The following MAN1A1 variants were observed in gnomAD, a reference collection of about 807,000 sequenced individuals.
MAN1A1 encodes mannosidase alpha class 1A member 1.
In MAN1A1, 29 loss-of-function variants were observed where a neutral mutation model predicts 70.8. The observed-to-expected ratio is 0.41, with a 90% CI of 0.31 to 0.56. The LOEUF (loss-of-function observed/expected upper bound fraction) is 0.56. MAN1A1 is among the 20% of genes least tolerant of loss of function. The pLI, the probability that MAN1A1 is intolerant of heterozygous loss-of-function variation, is 0.29. For missense variants in MAN1A1, 747 were observed against 841.3 expected (o/e 0.89, Z 1.39); for synonymous variants, 349 against 330.1 (o/e 1.06, Z -0.62).
At chr6:119,230,317 C>T (rs1047168152) in intron 6 of MAN1A1, among the ~76,000 whole-genome samples, 5 of 152,170 alleles carry the variant, frequency 3.3e-5, no homozygotes, top group African/African-American at 1.2e-4. Flanking sequence ...AACACAAACA[C>T]GACCATGTCC....
intron 3 of MAN1A1, among the ~76,000 whole-genome samples, chr6:119,302,497 T>C (rs914592801): frequency 5.3e-5 from 8 of 152,094 alleles, no homozygotes; most frequent in African/African-American, 1.9e-4. Context: ...TTCTCCTACC[T>C]TAGCCTCCTG....
In MAN1A1 at chr6:119,179,823, T is replaced by G; in HGVS notation, c.1958A>C (p.Glu653Ala). ...AATAAAATATAAAATGTCTTTTTAT[T>G]CCTCTCTGATTTCAACTTCCTTTTT... ...KDKKEVEIRE[E>A] is the part of the protein sequence containing the mutation. Residue 653 changes from glutamate (E) to alanine (A), a missense_variant, in exon 13 of 13, where the codon GAA becomes GCA. Glu to Ala is a moderately radical substitution (Grantham distance 107). Transcript: ENST00000368468. 1 of 1,611,802 alleles carries G rather than the reference T, an allele frequency of 6.2e-7. No homozygotes were observed.
Position 119,348,907 on chromosome 6 carries a change from C to G in MAN1A1, c.159G>C (p.Thr53=). The part of the protein sequence containing the change: ...VLLLVFSAFI[T]LCFGAIFFLP... Reference sequence around the variant, plus strand: ...GGAAGAAGATCGCCCCGAAGCAGAGCGTGATGAAGGCGCTGAATACCAGCA... The same window carrying G: ...GGAAGAAGATCGCCCCGAAGCAGAGGGTGATGAAGGCGCTGAATACCAGCA... The change falls in exon 2 of 13, where the codon ACG becomes ACC. Residue 53 remains threonine, a synonymous_variant. Transcript: ENST00000368468. 1 of 1,535,442 alleles carries G rather than the reference C, an allele frequency of 6.5e-7. No homozygotes were observed. Among genetic ancestry groups the G allele is most frequent in the Non-Finnish European group, 8.8e-7 (1 of 1,141,854 alleles).
rs1011874548 is a variant in MAN1A1, at chr6:119,178,999, C to T, written c.*820G>A. ...CCAAAAGCTAATCCATTAAGTTGTA[C>T]TATTTTCTTCAGATAAATGTAATTC... On this transcript the variant is annotated 3_prime_UTR_variant, in exon 13 of 13. Coordinates refer to ENST00000368468, the MANE Select transcript of MAN1A1 (RefSeq NM_005907.4). The T allele has an allele frequency of 6.6e-6, 1 of 152,118 alleles. No homozygotes were observed. Among genetic ancestry groups the T allele is most frequent in the Non-Finnish European group, 1.5e-5 (1 of 67,990 alleles). The allele number at this position is 152,118 out of a possible 1,614,324, so 9.4% of individuals were successfully genotyped here.
At chr6:119,321,334 A>G (rs1273016307) in intron 2 of MAN1A1, among the ~76,000 whole-genome samples, 1 of 152,184 alleles carries the variant, frequency 6.6e-6, no homozygotes, top group Non-Finnish European at 1.5e-5. Context: ...TCTACCATTG[A>G]CAGAAAATAC....
intron 2 of MAN1A1, among the ~76,000 whole-genome samples, chr6:119,335,895 G>A (rs780947381): frequency 1.3e-5 from 2 of 152,126 alleles, no homozygotes; most frequent in African/African-American, 4.8e-5. Context: ...AGAAGACTAC[G>A]GATGCCAAGC....
intron 4 of MAN1A1, among the ~76,000 whole-genome samples, chr6:119,291,270 C>A (rs948595738): frequency 6.6e-6 from 1 of 152,026 alleles, no homozygotes; most frequent in African/African-American, 2.4e-5. Flanking sequence ...TTATGACTTG[C>A]TCCTAGCCTT....
chr6:119,205,303 C>T (rs1043624280), intron 6 of MAN1A1, among the ~76,000 whole-genome samples: 2 of 152,168 alleles, frequency 1.3e-5, no homozygotes, highest in Non-Finnish European at 2.9e-5. Flanking sequence ...ACATTATATA[C>T]AAAATTTTAT....
Position 119,178,812 on chromosome 6 carries a change from A to C in MAN1A1, c.*1007T>G, listed in dbSNP as rs1039130397. On this transcript the variant is annotated 3_prime_UTR_variant, in exon 13 of 13. Coordinates refer to ENST00000368468, the MANE Select transcript of MAN1A1 (RefSeq NM_005907.4). ...AAACTGAAAGGAAATAATTTACTAC[A>C]TCTGAGATAGAGCCTTTTTCAAATC... 1.3e-5 allele frequency: 2 copies of C among 152,184 alleles called. No homozygotes were observed. The highest frequency in any genetic ancestry group is 3.8e-4 in the East Asian group (2 of 5,198). 9.4% of individuals were successfully genotyped at this position (152,184 alleles called of 1,614,324 possible).
chr6:119,294,987 T>C (rs1209536022), intron 4 of MAN1A1, among the ~76,000 whole-genome samples: 5 of 152,120 alleles, frequency 3.3e-5, no homozygotes, highest in East Asian at 1.9e-4. Context: ...TATACATGTA[T>C]GTAAATTTAC....
intron 2 of MAN1A1, among the ~76,000 whole-genome samples, chr6:119,338,293 C>A (rs988242463): frequency 6.6e-6 from 1 of 151,782 alleles, no homozygotes; most frequent in African/African-American, 2.4e-5. Context: ...TCTTCACTAT[C>A]TTAAAAAACA....
At chr6:119,339,118 T>C (rs1429805991) in intron 2 of MAN1A1, among the ~76,000 whole-genome samples, 1 of 152,122 alleles carries the variant, frequency 6.6e-6, no homozygotes, top group Non-Finnish European at 1.5e-5. Context: ...AAACTGAAAA[T>C]GCCATATACT....
intron 4 of MAN1A1, among the ~76,000 whole-genome samples, chr6:119,301,249 C>T (rs6911753): frequency 0.38 from 57,462 of 152,016 alleles, 11,338 homozygotes; most frequent in Non-Finnish European, 0.41. Context: ...ATGCTTTCTT[C>T]TCTTAGTATA....
intron 4 of MAN1A1, among the ~76,000 whole-genome samples, chr6:119,299,613 A>G (rs1447964003): frequency 6.6e-6 from 1 of 152,194 alleles, no homozygotes; most frequent in Non-Finnish European, 1.5e-5. Flanking sequence ...TAAATAAAGA[A>G]AACTTCAAAG....
chr6:119,208,799 C>G (rs1773959382), intron 6 of MAN1A1, among the ~76,000 whole-genome samples: 1 of 152,060 alleles, frequency 6.6e-6, no homozygotes, highest in Non-Finnish European at 1.5e-5. Flanking sequence ...ATTAAGGTAA[C>G]TCAAGGTACA....
At position 119,348,979 on chromosome 6, in the gene MAN1A1, C is replaced by A; in HGVS notation, c.87G>T (p.Lys29Asn). 1 of 1,480,586 alleles carries A rather than the reference C, an allele frequency of 6.8e-7. No individual in the cohort carries two copies. Among genetic ancestry groups the A allele is most frequent in the Non-Finnish European group, 9.0e-7 (1 of 1,115,614 alleles). 91.7% of individuals were successfully genotyped at this position (1,480,586 alleles called of 1,614,324 possible). A position where few individuals can be genotyped will look rare whatever the true frequency, so the allele number is the denominator to read the frequency against. ...GGCGGAGGGCGGCGGGGCCCGACCC[C>A]TTCCTGCCACCGCCGCCGCCGAGCC... Reference protein sequence around the residue: ...GGGLGGGGGRKGSGPAALRLT... With the variant: ...GGGLGGGGGRNGSGPAALRLT... Residue 29 changes from lysine to asparagine, a missense_variant, in exon 2 of 13, where the codon AAG (lysine) becomes AAT (asparagine). Coordinates refer to ENST00000368468, the MANE Select transcript of MAN1A1 (RefSeq NM_005907.4).
intron 6 of MAN1A1, among the ~76,000 whole-genome samples, chr6:119,215,174 A>G (rs1469739671): frequency 6.6e-6 from 1 of 152,102 alleles, no homozygotes; most frequent in South Asian, 2.1e-4. Flanking sequence ...CGTTGTGTAC[A>G]TGTACCTTAA....
Position 119,185,041 on chromosome 6 carries a change from C to T in MAN1A1, c.1719+3364G>A, listed in dbSNP as rs551508468. On this transcript the variant is annotated intron_variant, in intron 11 of 12. Coordinates refer to ENST00000368468, the MANE Select transcript of MAN1A1 (RefSeq NM_005907.4). ...GTAGCTAGGGACTATAGGAGTGTGC[C>T]AGCATGACGGGCTAATTTTTAAATT... Among the ~76,000 whole-genome samples, 26 of 152,152 alleles carry T rather than the reference C, an allele frequency of 1.7e-4. No individual in the cohort carries two copies. In the South Asian group the frequency reaches 3.5e-3, roughly 21 times the overall value.
At position 119,302,116 on chromosome 6, in the gene MAN1A1, G is replaced by A; in HGVS notation, c.701-13C>T. 7.8e-7 allele frequency: 1 copy of A among 1,284,612 alleles called. No homozygotes were observed. The highest frequency in any genetic ancestry group is 1.3e-5 in the South Asian group (1 of 79,156). The allele number at this position is 1,284,612 out of a possible 1,614,324, so 79.6% of individuals were successfully genotyped here. A position where few individuals can be genotyped will look rare whatever the true frequency, so the allele number is the denominator to read the frequency against. ...CCTTTGATGTTACCTGAAAAGATCA[G>A]AAAAATATTTGATAAAATACTTTGC... On this transcript the variant is annotated splice_polypyrimidine_tract_variant and intron_variant, in intron 3 of 12. Coordinates refer to ENST00000368468, the MANE Select transcript of MAN1A1 (RefSeq NM_005907.4).
Sources: allele counts gnomAD v4.1 joint callset (sites outside exome capture counted in the v4.1 genomes callset), GRCh38; gene constraint gnomAD v4.1.1; transcripts MANE v1.5; gene names NCBI Gene and HGNC (gene_info 2026-07-23, HGNC 2026-07-21).